Variants in QKI observed in about 807,000 individuals in gnomAD.
QKI encodes the protein KH domain-containing RNA-binding protein QKI.
In QKI, 10 loss-of-function variants were observed where a neutral mutation model predicts 39.0. The observed-to-expected ratio is 0.26, with a 90% CI of 0.16 to 0.43. The LOEUF is 0.43. Ranked by LOEUF, QKI falls within the 20% of genes least tolerant of loss-of-function variation. The pLI, the probability that QKI is intolerant of heterozygous loss-of-function variation, is 1.00. For missense variants in QKI, 218 were observed against 428.0 expected (o/e 0.51, Z 4.33); for synonymous variants, 204 against 155.4 (o/e 1.31, Z -2.33).
At chr6:163,520,319 CATT>C (rs1431890219) in intron 3 of QKI, among the ~76,000 whole-genome samples, 4 of 152,026 alleles carry the variant, frequency 2.6e-5, no homozygotes, top group South Asian at 2.1e-4. Flanking sequence ...ACAAACTCAT[CATT>C]ATAACACTGG....
intron 1 of QKI, among the ~76,000 whole-genome samples, chr6:163,448,247 T>G (rs1790293607): frequency 6.6e-6 from 1 of 152,172 alleles, no homozygotes. Context: ...ATTTTGTAGT[T>G]TTTGTTTTTG....
intron 6 of QKI, chr6:163,564,378 C>T (rs371464637): frequency 3.3e-6 from 4 of 1,226,746 alleles, no homozygotes; most frequent in Non-Finnish European, 4.2e-6. Flanking sequence ...CTTATGGGAC[C>T]ACATAGTATA....
chr6:163,484,592 A>G (rs1285730204), intron 3 of QKI, among the ~76,000 whole-genome samples: 1 of 152,138 alleles, frequency 6.6e-6, no homozygotes, highest in Non-Finnish European at 1.5e-5. Flanking sequence ...TTAGCCCCTA[A>G]CAAGAGAATC....
At chr6:163,484,660 T>G in intron 3 of QKI, among the ~76,000 whole-genome samples, 1 of 152,228 alleles carries the variant, frequency 6.6e-6, no homozygotes, top group African/African-American at 2.4e-5. Context: ...TATGAAAGTT[T>G]TAGATGTAAT....
At chr6:163,442,273 T>A (rs968376506) in intron 1 of QKI, among the ~76,000 whole-genome samples, 7 of 152,222 alleles carry the variant, frequency 4.6e-5, no homozygotes, top group African/African-American at 1.7e-4. Flanking sequence ...TAATATATAA[T>A]AAGTTTACTA....
intron 4 of QKI, among the ~76,000 whole-genome samples, chr6:163,537,202 G>T (rs147976429): frequency 2.0e-5 from 3 of 152,102 alleles, no homozygotes; most frequent in Admixed American, 6.6e-5. Flanking sequence ...TGTCCCTTAG[G>T]GGGGAAAAGA....
At chr6:163,475,182 T>G (rs1275677990) in intron 2 of QKI, among the ~76,000 whole-genome samples, 1 of 152,092 alleles carries the variant, frequency 6.6e-6, no homozygotes, top group African/African-American at 2.4e-5. Flanking sequence ...AAAGTAAAGA[T>G]AAATAAATGG....
intron 2 of QKI, among the ~76,000 whole-genome samples, chr6:163,468,142 T>C (rs1360686071): frequency 2.0e-5 from 3 of 152,190 alleles, no homozygotes; most frequent in Non-Finnish European, 4.4e-5. Flanking sequence ...TCAGAAAATA[T>C]ACATATACGC....
chr6:163,553,907 T>C (rs1193504926), intron 4 of QKI, among the ~76,000 whole-genome samples: 1 of 152,192 alleles, frequency 6.6e-6, no homozygotes, highest in Non-Finnish European at 1.5e-5. Flanking sequence ...CCTGACACTT[T>C]CCCTCTACCT....
At position 163,563,679 on chromosome 6, in the gene QKI, A is replaced by T. The variant is rs375000631; in HGVS notation, c.894A>T (p.Thr298=). ...ACCCCTACACATTGGCACCAGCTAC[A>T]TCAATCCTTGAGTATCCTATTGAAC... ...YEYPYTLAPA[T]SILEYPIEPS... Residue 298 remains threonine (T), a synonymous_variant, in exon 6 of 8, where the codon ACA becomes ACT. Transcript: ENST00000361752. 4.3e-6 allele frequency: 7 copies of T among 1,614,166 alleles called. No individual in the cohort carries two copies. The highest frequency in any genetic ancestry group is 5.9e-6 in the Non-Finnish European group (7 of 1,180,014).
intron 2 of QKI, among the ~76,000 whole-genome samples, chr6:163,475,700 AAAG>A (rs1351779887): frequency 6.6e-6 from 1 of 152,224 alleles, no homozygotes; most frequent in Non-Finnish European, 1.5e-5. Flanking sequence ...TGAGAGAAGA[AAAG>A]AAAATTATAA....
chr6:163,523,114 C>T (rs979198852), intron 3 of QKI, among the ~76,000 whole-genome samples: 12 of 151,994 alleles, frequency 7.9e-5, no homozygotes, highest in African/African-American at 2.9e-4. Flanking sequence ...GTGGATCCTT[C>T]AGCATAATTC....
At chr6:163,487,596 A>C (rs1021327079) in intron 3 of QKI, among the ~76,000 whole-genome samples, 1 of 150,172 alleles carries the variant, frequency 6.7e-6, no homozygotes, top group African/African-American at 2.5e-5. Flanking sequence ...CACTTCCCAA[A>C]CCTCCATTTC....
intron 6 of QKI, chr6:163,565,457 G>T (rs1226165478): frequency 1.0e-5 from 10 of 986,388 alleles, no homozygotes; most frequent in Non-Finnish European, 1.2e-5. Context: ...TGAATAAGAG[G>T]TGATGGACCA....
In QKI at chr6:163,576,681, T is replaced by G. The variant is rs1422031143; in HGVS notation, c.*5971T>G. 6.6e-6 allele frequency: 1 copy of G among 152,124 alleles called. No individual in the cohort carries two copies. Among genetic ancestry groups the G allele is most frequent in the Non-Finnish European group, 1.5e-5 (1 of 68,018 alleles). The allele number at this position is 152,124 out of a possible 1,614,324, so 9.4% of individuals were successfully genotyped here. On this transcript the variant is annotated 3_prime_UTR_variant, in exon 8 of 8. Coordinates refer to ENST00000361752, the MANE Select transcript of QKI (RefSeq NM_006775.3). ...ATAAACCAACTGGAAAAAGTGCATGTGCTTCATCCTCTCAAGCCAACTGCA... is the reference window on the plus strand; with the variant it reads ...ATAAACCAACTGGAAAAAGTGCATGGGCTTCATCCTCTCAAGCCAACTGCA...
At chr6:163,457,702 G>A (rs1469425834) in intron 2 of QKI, among the ~76,000 whole-genome samples, 1 of 151,586 alleles carries the variant, frequency 6.6e-6, no homozygotes, top group East Asian at 1.9e-4. Flanking sequence ...CATGTACCTG[G>A]TCATTTTGCC....
chr6:163,531,268 G>A (rs553126113), intron 3 of QKI, among the ~76,000 whole-genome samples: 1 of 152,318 alleles, frequency 6.6e-6, no homozygotes, highest in East Asian at 1.9e-4. Flanking sequence ...TGCATTTGGA[G>A]CAGGGGAGAT....
At chr6:163,553,062 TTTTATTTATTTATTTATTTATTTA>T (rs200656963) in intron 4 of QKI, among the ~76,000 whole-genome samples, 157 of 119,280 alleles carry the variant, frequency 1.3e-3, no homozygotes, top group African/African-American at 2.4e-3. Flanking sequence ...TTTTTTTAAT[TTTTATTTATTTATTTATTTATTTA>T]TTTATTTATT....
Position 163,578,587 on chromosome 6 carries a change from T to C in QKI, c.*7877T>C, listed in dbSNP as rs932963084. 2 of 152,204 alleles carry C rather than the reference T, an allele frequency of 1.3e-5. No homozygotes were observed. Among genetic ancestry groups the C allele is most frequent in the Non-Finnish European group, 2.9e-5 (2 of 68,032 alleles). The allele number at this position is 152,204 out of a possible 1,614,324, so 9.4% of individuals were successfully genotyped here. On this transcript the variant is annotated 3_prime_UTR_variant, in exon 8 of 8. Coordinates refer to ENST00000361752, the MANE Select transcript of QKI (RefSeq NM_006775.3). The stretch of plus-strand genomic sequence containing the variant: ...AACAGCATTAAAAAGTTGTCCAGAA[T>C]TTAAACTGACTCTAGATTTCTAGAT...
Sources: allele counts gnomAD v4.1 joint callset (sites outside exome capture counted in the v4.1 genomes callset), GRCh38; gene constraint gnomAD v4.1.1; transcripts MANE v1.5; gene names NCBI Gene and HGNC (gene_info 2026-07-23, HGNC 2026-07-21).